The following WDR17 variants were observed in gnomAD, a reference collection of about 807,000 sequenced individuals.
WDR17 encodes the protein WD repeat domain 17, also known as WD repeat-containing protein 17.
WDR17 carries 143 observed loss-of-function variants against 161.7 expected under a neutral mutation model. That is an observed-to-expected ratio of 0.88 (90% CI 0.77 to 1.02). The LOEUF is 1.02. WDR17 is among the 50% of genes least tolerant of loss of function. The pLI is 0.00. For missense variants in WDR17, 1,469 were observed against 1,520.9 expected, an observed-to-expected ratio of 0.97 and a Z score of 0.57; for synonymous variants, 517 against 515.6, an observed-to-expected ratio of 1.00 and a Z score of -0.04.
chr4:176,150,494 G>T lies in WDR17; in HGVS notation c.2205G>T (p.Trp735Cys), dbSNP rs753951450. 6.2e-7 allele frequency: 1 copy of T among 1,610,140 alleles called. No individual in the cohort carries two copies. The highest frequency in any genetic ancestry group is 8.5e-7 in the Non-Finnish European group (1 of 1,178,778). The change falls in exon 16 of 29, where the codon TGG becomes TGT. Residue 735 changes from tryptophan to cysteine, a missense_variant. Coordinates refer to ENST00000508596, the MANE Select transcript of WDR17 (RefSeq NM_181265.4). Reference protein sequence around the residue: ...LSPPGGSDNLWNLVAVIKGQD... With the variant: ...LSPPGGSDNLCNLVAVIKGQD... ...CTCCAGGTGGCAGTGACAATTTATG[G>T]AACTTGGTTGCTGTGATAAAAGGAC...
chr4:176,070,759 G>T (rs112956433), intron 1 of WDR17, among the ~76,000 whole-genome samples: 2 of 151,946 alleles, frequency 1.3e-5, no homozygotes, highest in Non-Finnish European at 2.9e-5. Context: ...GGGCTCAAGC[G>T]ATCCACCCAA....
rs1402828125 is a variant in WDR17, at chr4:176,173,285, A to G, written c.3263A>G (p.Asp1088Gly). 2.5e-6 allele frequency: 4 copies of G among 1,610,904 alleles called. No individual in the cohort carries two copies. The Admixed American group carries it at 6.7e-5, about 27-fold the overall frequency. The change falls in exon 25 of 29, where the codon GAC becomes GGC. Residue 1088 changes from aspartate (D) to glycine (G), a missense_variant. Physicochemically the swap from Asp to Gly is moderately conservative, Grantham distance 94. Transcript: ENST00000508596. ...SFVKEYISSS[D>G]WTLDTIYPVL... is the part of the protein sequence containing the mutation. ...TTTCCAGAATACATCAGTAGCTCAG[A>G]CTGGACTTTGGATACCATATACCCT...
intron 4 of WDR17, 64 bp from the exon 5 acceptor site, chr4:176,125,040 A>G (rs547180462): frequency 3.2e-6 from 5 of 1,559,312 alleles, no homozygotes; most frequent in Non-Finnish European, 4.4e-6. Flanking sequence ...AAAAGTTAGC[A>G]TCATCTAAAT....
In WDR17 at chr4:176,163,175, C is replaced by T. The variant is rs762164967; in HGVS notation, c.2872C>T (p.Arg958Cys). 21 of 1,614,052 alleles carry T rather than the reference C, an allele frequency of 1.3e-5. No individual in the cohort carries two copies. Among genetic ancestry groups the T allele is most frequent in the African/African-American group, 2.7e-5 (2 of 75,020 alleles). ...NIELAMAYLIRGNELELAVCV... is the reference protein window; with the variant it reads ...NIELAMAYLICGNELELAVCV... ...CAAGCTTGCTATGGCATACCTGATT[C>T]GCGGAAATGAACTGGAGTTGGCAGT... Residue 958 changes from arginine (R) to cysteine (C), a missense_variant, in exon 22 of 29, where the codon CGC becomes TGC. Transcript: ENST00000508596.
In WDR17 at chr4:176,179,750, T is replaced by C. The variant is rs541034999; in HGVS notation, c.*171T>C. On this transcript the variant is annotated 3_prime_UTR_variant, in exon 29 of 29. Transcript: ENST00000508596. The stretch of plus-strand genomic sequence containing the variant: ...TCATTAACTTCAAAATATATATATA[T>C]ATATAATTTAAAGGAAAAATAGGTG... 62 of 306,952 alleles carry C rather than the reference T, an allele frequency of 2.0e-4. 1 individual carries two copies. Among genetic ancestry groups the C allele is most frequent in the African/African-American group, 1.1e-3 (51 of 45,460 alleles). The allele number at this position is 306,952 out of a possible 1,614,324, so 19.0% of individuals were successfully genotyped here. A position where few individuals can be genotyped will look rare whatever the true frequency, so the allele number is the denominator to read the frequency against.
At chr4:176,070,890 C>T (rs1433958971) in intron 1 of WDR17, among the ~76,000 whole-genome samples, 2 of 152,046 alleles carry the variant, frequency 1.3e-5, no homozygotes, top group African/African-American at 2.4e-5. Flanking sequence ...GCTGGTTTTC[C>T]CAAACTGACT....
chr4:176,100,606 ATT>A (rs1737664898), intron 1 of WDR17, among the ~76,000 whole-genome samples: 1 of 151,984 alleles, frequency 6.6e-6, no homozygotes, highest in African/African-American at 2.4e-5. Context: ...CCATTTATCT[ATT>A]TTTGTTTTTG....
intron 17 of WDR17, 26 bp from the exon 18 acceptor site, chr4:176,156,053 C>G: frequency 6.2e-7 from 1 of 1,611,454 alleles, no homozygotes; most frequent in Non-Finnish European, 8.5e-7. Context: ...TTAATATGCT[C>G]CTGCCCTTTT....
chr4:176,137,025 T>G (rs1015107320), intron 8 of WDR17, among the ~76,000 whole-genome samples: 1 of 151,604 alleles, frequency 6.6e-6, no homozygotes, highest in Non-Finnish European at 1.5e-5. Context: ...ACAGAAAGCA[T>G]TGTTTATGTT....
At chr4:176,164,278 G>T (rs1384208432) in intron 22 of WDR17, among the ~76,000 whole-genome samples, 1 of 152,156 alleles carries the variant, frequency 6.6e-6, no homozygotes, top group Non-Finnish European at 1.5e-5. Context: ...TCTGAAGTTT[G>T]CATTCTTAGC....
rs1162594846 is a variant in WDR17 at position 176,150,030 on chromosome 4, G to A, written c.2048-13G>A. The A allele has an allele frequency of 7.4e-6, 12 of 1,612,778 alleles. No homozygotes were observed. Among genetic ancestry groups the A allele is most frequent in the African/African-American group, 2.7e-5 (2 of 74,802 alleles). On this transcript the variant is annotated splice_polypyrimidine_tract_variant and intron_variant, in intron 14 of 28. Transcript: ENST00000508596. ...GAGAAATCTTTTCTCACTGAATTAT[G>A]TCTGTTCTTCAGATTATGCTATAGA...
rs747276917 is a variant in WDR17, at chr4:176,174,728, G to C, written c.3449+10G>C. ...TTTATGAGTACACAAGGTAAAAAAG[G>C]TTTTTTCCTCCATCATGACATTAGA... is the stretch of plus-strand genomic sequence containing the variant. On this transcript the variant is annotated intron_variant, in intron 26 of 28. Transcript: ENST00000508596. 8.9e-6 allele frequency: 14 copies of C among 1,577,834 alleles called. No individual in the cohort carries two copies. The Admixed American group carries it at 1.4e-4, about 16-fold the overall frequency.
chr4:176,083,027 A>G (rs76182479), intron 1 of WDR17, among the ~76,000 whole-genome samples: 32,013 of 152,108 alleles, frequency 0.21, 3,615 homozygotes, highest in South Asian at 0.27. Context: ...AAACTGTTTG[A>G]TAGATTTTCT....
At position 176,128,727 on chromosome 4, in the gene WDR17, G is replaced by C; in HGVS notation, c.791-11G>C. 1 of 1,597,006 alleles carries C rather than the reference G, an allele frequency of 6.3e-7. No homozygotes were observed. Among genetic ancestry groups the C allele is most frequent in the East Asian group, 2.3e-5 (1 of 44,264 alleles). On this transcript the variant is annotated splice_polypyrimidine_tract_variant and intron_variant, in intron 5 of 28. Transcript: ENST00000508596. ...ACTTGTTAAAATGTGCTTTTTCCCT[G>C]ATCTGACTAGATTCTCAAGTGGGTG...
At chr4:176,066,841 G>A (rs1431628823) in intron 1 of WDR17, among the ~76,000 whole-genome samples, 1 of 150,800 alleles carries the variant, frequency 6.6e-6, no homozygotes, top group Non-Finnish European at 1.5e-5. Flanking sequence ...ACCCTTTAGA[G>A]AAAACTATCA....
chr4:176,069,805 A>G (rs865792546), intron 1 of WDR17, among the ~76,000 whole-genome samples: 19 of 152,324 alleles, frequency 1.2e-4, no homozygotes, highest in African/African-American at 4.3e-4. Flanking sequence ...CGTGTTTAAC[A>G]TGCTATTAAA....
At chr4:176,177,720 C>T in intron 28 of WDR17, 66 bp downstream of exon 28, 1 of 1,493,260 alleles carries the variant, frequency 6.7e-7, no homozygotes, top group Non-Finnish European at 9.0e-7. Context: ...TTTGAAATAT[C>T]TTAAAATAAG....
At chr4:176,166,936 CTATT>C (rs1201632642) in intron 22 of WDR17, among the ~76,000 whole-genome samples, 2 of 151,968 alleles carry the variant, frequency 1.3e-5, no homozygotes, top group Non-Finnish European at 2.9e-5. Context: ...ATCTAGAAAA[CTATT>C]TATTAGTAAA....
chr4:176,107,307 A>T (rs1738905709), intron 1 of WDR17, among the ~76,000 whole-genome samples: 1 of 151,690 alleles, frequency 6.6e-6, no homozygotes, highest in South Asian at 2.1e-4. Context: ...GGTGAGGATG[A>T]GTTAGCCAAA....
Sources: gnomAD v4.1 joint callset for allele counts (sites outside exome capture counted in the v4.1 genomes callset) on GRCh38, gnomAD v4.1.1 for gene constraint, MANE v1.5 for transcripts, NCBI Gene and HGNC (gene_info 2026-07-23, HGNC 2026-07-21) for gene names.